Variants in PRKG1 observed in about 807,000 individuals in gnomAD.
PRKG1 encodes cGMP-dependent protein kinase 1.
Under a neutral mutation model 88.1 loss-of-function variants are expected in PRKG1, and 35 were observed. The observed-to-expected ratio is 0.40, with a 90% CI of 0.30 to 0.53. The LOEUF is 0.53. Ranked by LOEUF, PRKG1 falls within the 20% of genes least tolerant of loss-of-function variation. The probability of loss-of-function intolerance (pLI) is 0.59; values close to 1 mark genes in which losing one functional copy is unlikely to be tolerated. For synonymous variants in PRKG1, 303 were observed against 292.5 expected (o/e 1.04, Z -0.37); for missense variants, 540 against 839.8 (o/e 0.64, Z 4.41).
At chr10:51,726,623 A>G (rs751764430) in intron 3 of PRKG1, among the ~76,000 whole-genome samples, 9 of 152,244 alleles carry the variant, frequency 5.9e-5, no homozygotes, top group Non-Finnish European at 1.2e-4. Context: ...GTGTGTATAC[A>G]TTGCACTTTT....
chr10:52,095,054 A>G (rs1589602008), intron 7 of PRKG1, among the ~76,000 whole-genome samples: 1 of 152,110 alleles, frequency 6.6e-6, no homozygotes, highest in East Asian at 1.9e-4. Context: ...TTATTCATTA[A>G]CAGCCTCTAA....
chr10:51,115,902 C>T (rs1845112537), intron 1 of PRKG1, among the ~76,000 whole-genome samples: 1 of 150,676 alleles, frequency 6.6e-6, no homozygotes, highest in Non-Finnish European at 1.5e-5. Flanking sequence ...TGTCATAGTG[C>T]AAACATAGAG....
chr10:51,476,238 A>G (rs543624273), intron 3 of PRKG1, among the ~76,000 whole-genome samples: 2 of 152,144 alleles, frequency 1.3e-5, no homozygotes, highest in African/African-American at 2.4e-5. Flanking sequence ...TACAGTATTG[A>G]AGGATACAGG....
intron 4 of PRKG1, among the ~76,000 whole-genome samples, chr10:51,814,965 G>A (rs979919565): frequency 4.6e-5 from 7 of 152,044 alleles, no homozygotes; most frequent in Non-Finnish European, 7.4e-5. Flanking sequence ...AGTCAGTAAT[G>A]AATCTCACAC....
chr10:51,545,828 A>G (rs542752509), intron 3 of PRKG1, among the ~76,000 whole-genome samples: 3 of 152,146 alleles, frequency 2.0e-5, no homozygotes, highest in African/African-American at 7.2e-5. Flanking sequence ...ATGACTTCAT[A>G]ATGATTTTTG....
chr10:51,213,560 G>A (rs768494115), intron 2 of PRKG1, among the ~76,000 whole-genome samples: 35 of 152,316 alleles, frequency 2.3e-4, no homozygotes, highest in Middle Eastern at 3.4e-3. Flanking sequence ...CACTCATTTG[G>A]AATTGCTCAT....
At chr10:51,403,221 G>A (rs1030385561) in intron 2 of PRKG1, among the ~76,000 whole-genome samples, 16 of 152,112 alleles carry the variant, frequency 1.1e-4, no homozygotes, top group African/African-American at 3.6e-4. Flanking sequence ...TTGTAATTAA[G>A]CCATCAGATG....
chr10:52,037,880 G>A (rs1025650432), intron 5 of PRKG1, among the ~76,000 whole-genome samples: 84 of 151,516 alleles, frequency 5.5e-4, no homozygotes, highest in African/African-American at 1.7e-3. Context: ...AAGACTCAGC[G>A]ATGCTTGGGG....
chr10:51,276,175 T>G (rs977716004), intron 2 of PRKG1, among the ~76,000 whole-genome samples: 3 of 152,062 alleles, frequency 2.0e-5, no homozygotes, highest in Admixed American at 2.0e-4. Context: ...CCAAGCATTC[T>G]CATTGTACAA....
At chr10:52,276,506 A>C (rs906152549) in intron 12 of PRKG1, among the ~76,000 whole-genome samples, 17 of 152,146 alleles carry the variant, frequency 1.1e-4, no homozygotes, top group Non-Finnish European at 2.4e-4. Context: ...TTGTGATTAA[A>C]TTTTAATTTG....
At chr10:51,624,452 T>C (rs1218165353) in intron 3 of PRKG1, among the ~76,000 whole-genome samples, 1 of 152,258 alleles carries the variant, frequency 6.6e-6, no homozygotes, top group African/African-American at 2.4e-5. Context: ...TTGTAATGAA[T>C]ACCATTGTTT....
chr10:51,131,563 A>G (rs1050590289), intron 1 of PRKG1, among the ~76,000 whole-genome samples: 6 of 152,198 alleles, frequency 3.9e-5, no homozygotes, highest in Non-Finnish European at 7.3e-5. Context: ...CCTGATCAAC[A>G]TGGTGAAACT....
intron 4 of PRKG1, among the ~76,000 whole-genome samples, chr10:51,901,564 G>A (rs566380036): frequency 3.9e-5 from 6 of 152,316 alleles, no homozygotes; most frequent in African/African-American, 1.4e-4. Flanking sequence ...CTTCTCTAGT[G>A]AATGCAATAT....
At chr10:51,026,759 G>A (rs927041460) in intron 1 of PRKG1, among the ~76,000 whole-genome samples, 3 of 152,128 alleles carry the variant, frequency 2.0e-5, no homozygotes, top group Admixed American at 6.5e-5. Context: ...TGATGGTGGG[G>A]AATTAAATAG....
At chr10:51,063,599 A>G (rs1248257738) in intron 1 of PRKG1, among the ~76,000 whole-genome samples, 2 of 152,214 alleles carry the variant, frequency 1.3e-5, no homozygotes, top group African/African-American at 4.8e-5. Context: ...TCATTGACAG[A>G]AAAGTTATTA....
chr10:51,880,793 T>C (rs1194431271), intron 4 of PRKG1, among the ~76,000 whole-genome samples: 1 of 152,206 alleles, frequency 6.6e-6, no homozygotes. Context: ...GACACAGTTT[T>C]GCTTTTGGCT....
chr10:51,273,635 C>G (rs1589300759), intron 2 of PRKG1, among the ~76,000 whole-genome samples: 1 of 152,274 alleles, frequency 6.6e-6, no homozygotes, highest in East Asian at 1.9e-4. Flanking sequence ...AACTAGTTGC[C>G]AACATTTAAA....
intron 2 of PRKG1, among the ~76,000 whole-genome samples, chr10:51,377,510 G>A (rs1480319339): frequency 6.6e-6 from 1 of 152,144 alleles, no homozygotes; most frequent in South Asian, 2.1e-4. Flanking sequence ...GGCTCTGCTA[G>A]CACTGCTGAA....
At chr10:52,240,168 A>G (rs1840822358) in intron 9 of PRKG1, among the ~76,000 whole-genome samples, 1 of 152,196 alleles carries the variant, frequency 6.6e-6, no homozygotes, top group Non-Finnish European at 1.5e-5. Context: ...CAGAATGACT[A>G]CATTGGCAGG....
Sources: allele counts gnomAD v4.1 joint callset (sites outside exome capture counted in the v4.1 genomes callset), GRCh38; gene constraint gnomAD v4.1.1; transcripts MANE v1.5; gene names NCBI Gene and HGNC (gene_info 2026-07-23, HGNC 2026-07-21).